MCM5: variants seen among roughly 807,000 people sequenced by gnomAD.
The protein encoded by MCM5 is minichromosome maintenance complex component 5, also known as DNA replication licensing factor MCM5.
Under a neutral mutation model 79.9 loss-of-function variants are expected in MCM5, and 46 were observed. The observed-to-expected ratio is 0.58, with a 90% confidence interval of 0.45 to 0.74. The LOEUF is 0.74. MCM5 is among the 30% of genes least tolerant of loss of function. The pLI, the probability that MCM5 is intolerant of heterozygous loss-of-function variation, is 0.00. For synonymous variants in MCM5, 404 were observed against 390.5 expected (o/e 1.03, Z -0.41); for missense variants, 883 against 1,017.0 (o/e 0.87, Z 1.79).
chr22:35,417,958 C>T, intron 13 of MCM5, 102 bp downstream of exon 13: 2 of 772,390 alleles, frequency 2.6e-6, no homozygotes. Flanking sequence ...AAGAACAGCC[C>T]AGATGTTGCT....
At chr22:35,427,540 TA>T (rs1449202904), downstream of MCM5, among the ~76,000 whole-genome samples, 1 of 152,162 alleles carries the variant, frequency 6.6e-6, no homozygotes, top group Non-Finnish European at 1.5e-5. Flanking sequence ...TTTTTATTTT[TA>T]TTTTTTTCCC....
In MCM5 at chr22:35,419,905, A is replaced by C; in HGVS notation, c.1725A>C (p.Ser575=). 1 of 1,612,638 alleles carries C rather than the reference A, an allele frequency of 6.2e-7. No individual in the cohort carries two copies. The highest frequency in any genetic ancestry group is 1.3e-5 in the African/African-American group (1 of 75,014). ...GCAGGAAGTGTGGCCCCCGGCTGTC[A>C]GCAGAGGCTGCAGAGAAACTGAAGA... is the stretch of plus-strand genomic sequence containing the variant. ...YCRVKCGPRL[S]AEAAEKLKNR... The change falls in exon 14 of 17, where the codon TCA becomes TCC. Residue 575 remains serine (S), a synonymous_variant. Coordinates refer to ENST00000216122, the MANE Select transcript of MCM5 (RefSeq NM_006739.4).
the MCM5 span, among the ~76,000 whole-genome samples, chr22:35,439,562 A>G: frequency 1.3e-5 from 2 of 152,090 alleles, no homozygotes; most frequent in Admixed American, 1.3e-4. Context: ...ACTGAACACA[A>G]TGTGTAGCAG....
chr22:35,412,347 C>T (rs1002040454), intron 7 of MCM5, among the ~76,000 whole-genome samples, 163 bp from the exon 8 acceptor site: 4 of 152,220 alleles, frequency 2.6e-5, no homozygotes, highest in Non-Finnish European at 5.9e-5. Context: ...TTCCTGAGGG[C>T]TTGAGAGCTG....
the MCM5 span, among the ~76,000 whole-genome samples, chr22:35,442,628 C>G: frequency 6.6e-6 from 1 of 152,210 alleles, no homozygotes; most frequent in Non-Finnish European, 1.5e-5. Context: ...CCGATTCCCT[C>G]CCACCCTCTG....
intron 4 of MCM5, among the ~76,000 whole-genome samples, chr22:35,405,766 T>C (rs1467820143): frequency 6.6e-6 from 1 of 151,912 alleles, no homozygotes; most frequent in Non-Finnish European, 1.5e-5. Flanking sequence ...TCCCAGCATT[T>C]TGGGAGGCCG....
At chr22:35,443,968 C>T in the MCM5 span, among the ~76,000 whole-genome samples, 1 of 152,152 alleles carries the variant, frequency 6.6e-6, no homozygotes, top group Non-Finnish European at 1.5e-5. Flanking sequence ...CTCTATGCCT[C>T]AGTTTCCTTA....
chr22:35,436,164 CAA>C, the MCM5 span, among the ~76,000 whole-genome samples: 14 of 61,040 alleles, frequency 2.3e-4, no homozygotes, highest in South Asian at 6.1e-3. Flanking sequence ...AACTCAGTCT[CAA>C]AAAAAAAAAA....
chr22:35,416,788 G>T lies in MCM5; in HGVS notation c.1564G>T (p.Asp522Tyr), dbSNP rs199517936. The T allele has an allele frequency of 8.1e-6, 13 of 1,614,032 alleles. No homozygotes were observed. In the East Asian group the frequency reaches 2.7e-4, roughly 33 times the overall value. ...SRFDMIFIVK[D>Y]EHNEERDVML... ...CTTCGACATGATCTTCATCGTCAAG[G>T]ATGAGCACAATGAGGAGAGGGATGT... Residue 522 changes from aspartate (D) to tyrosine (Y), a missense_variant, in exon 12 of 17, where the codon GAT (aspartate) becomes TAT (tyrosine). Around this residue, in one of 3 missense-constraint regions of MCM5, gnomAD observed 426 missense variants for 482.3 expected, o/e 0.88. Coordinates refer to ENST00000216122, the MANE Select transcript of MCM5 (RefSeq NM_006739.4).
At chr22:35,410,462 A>G (rs1932345274) in intron 6 of MCM5, 1 of 406,272 alleles carries the variant, frequency 2.5e-6, no homozygotes, top group African/African-American at 2.1e-5. Flanking sequence ...ACCAGCGTAC[A>G]AATGAGTTAG....
At chr22:35,442,285 C>T in the MCM5 span, among the ~76,000 whole-genome samples, 3 of 151,844 alleles carry the variant, frequency 2.0e-5, no homozygotes, top group African/African-American at 7.3e-5. Flanking sequence ...GTTCCTCCGT[C>T]TGCGCTTCTC....
At chr22:35,428,021 CTTTTTTTTT>C (rs133437), downstream of MCM5, among the ~76,000 whole-genome samples, 3 of 132,400 alleles carry the variant, frequency 2.3e-5, no homozygotes, top group Admixed American at 2.2e-4. Context: ...CTCTCTCTCT[CTTTTTTTTT>C]TTTTTTTTGA....
the MCM5 span, among the ~76,000 whole-genome samples, chr22:35,440,284 C>T: frequency 6.6e-6 from 1 of 152,240 alleles, no homozygotes; most frequent in Non-Finnish European, 1.5e-5. Context: ...CCCCCTGGGG[C>T]TGTGGAAGCA....
At position 35,411,276 on chromosome 22, in the gene MCM5, G is replaced by C. The variant is rs540056929; in HGVS notation, c.919+366G>C. On this transcript the variant is annotated intron_variant, in intron 7 of 16. Coordinates refer to ENST00000216122, the MANE Select transcript of MCM5 (RefSeq NM_006739.4). ...AGTTGGAGAAATAAGAAAACTGTGAGACCGCTGGGGACATGTGGGTAAAGT... is the reference window on the plus strand; with the variant it reads ...AGTTGGAGAAATAAGAAAACTGTGACACCGCTGGGGACATGTGGGTAAAGT... The C allele has an allele frequency of 6.2e-5, 11 of 177,230 alleles. No homozygotes were observed. In the South Asian group the frequency reaches 1.3e-3, roughly 20 times the overall value. The allele number at this position is 177,230 out of a possible 1,614,324, so 11.0% of individuals were successfully genotyped here.
intron 1 of MCM5, 98 bp from the exon 2 acceptor site, chr22:35,400,333 C>A (rs752193851): frequency 2.1e-5 from 29 of 1,372,390 alleles, no homozygotes; most frequent in Middle Eastern, 2.1e-4. Context: ...GGCCGGGGGT[C>A]CCCCTGCTCC....
At chr22:35,410,040 A>G (rs1932330559) in intron 6 of MCM5, 1 of 152,472 alleles carries the variant, frequency 6.6e-6, no homozygotes, top group African/African-American at 2.4e-5. Context: ...TCTTTTCTGG[A>G]GCTGTGATGC....
chr22:35,406,238 C>G (rs1932207412), intron 4 of MCM5, among the ~76,000 whole-genome samples: 1 of 151,190 alleles, frequency 6.6e-6, no homozygotes, highest in Non-Finnish European at 1.5e-5. Flanking sequence ...GGTCAGGTCT[C>G]TCTCCTGGCA....
At chr22:35,444,678 A>G in the MCM5 span, among the ~76,000 whole-genome samples, 1 of 152,186 alleles carries the variant, frequency 6.6e-6, no homozygotes, top group Non-Finnish European at 1.5e-5. Context: ...TGGCCGTGAT[A>G]ATAATGATGA....
At chr22:35,427,867 C>A (rs1478835779), downstream of MCM5, among the ~76,000 whole-genome samples, 1 of 151,908 alleles carries the variant, frequency 6.6e-6, no homozygotes, top group African/African-American at 2.4e-5. Context: ...GGCAGTAAAG[C>A]ACAGTGGTTA....
Sources: gnomAD v4.1 joint callset for allele counts (sites outside exome capture counted in the v4.1 genomes callset) on GRCh38, gnomAD v4.1.1 for gene constraint, gnomAD v4.1.1 regional missense constraint, MANE v1.5 for transcripts, NCBI Gene and HGNC (gene_info 2026-07-23, HGNC 2026-07-21) for gene names.